Variants in OTUD7B observed in about 807,000 individuals in gnomAD.
The protein encoded by OTUD7B is OTU deubiquitinase 7B.
A neutral mutation model predicts 82.2 loss-of-function variants in OTUD7B; 34 were observed. That is an observed-to-expected ratio of 0.41 (90% CI 0.31 to 0.55). The LOEUF (loss-of-function observed/expected upper bound fraction) is 0.55, where lower values mean the gene tolerates loss of function less well. OTUD7B is among the 20% of genes least tolerant of loss of function. The probability of loss-of-function intolerance (pLI) is 0.20; values close to 1 mark genes in which losing one functional copy is unlikely to be tolerated. For synonymous variants in OTUD7B, 398 were observed against 402.7 expected (o/e 0.99, Z 0.14); for missense variants, 944 against 1,062.1 (o/e 0.89, Z 1.55).
chr1:150,024,223 C>T, the OTUD7B span, among the ~76,000 whole-genome samples: 1 of 152,206 alleles, frequency 6.6e-6, no homozygotes, highest in Admixed American at 6.5e-5. Flanking sequence ...AGATCACCAA[C>T]TCTTAAGTCC....
At chr1:149,978,875 G>A (rs1453717030) in intron 1 of OTUD7B, among the ~76,000 whole-genome samples, 1 of 152,174 alleles carries the variant, frequency 6.6e-6, no homozygotes, top group Non-Finnish European at 1.5e-5. Flanking sequence ...AGGTACACTT[G>A]CCCTACCATA....
chr1:150,002,202 G>T (rs917220937), intron 1 of OTUD7B, among the ~76,000 whole-genome samples: 5 of 50,900 alleles, frequency 9.8e-5, no homozygotes, highest in African/African-American at 4.3e-4. Context: ...ATTTTGTTTA[G>T]ATATTCTTTT....
the OTUD7B span, among the ~76,000 whole-genome samples, chr1:150,042,751 C>T: frequency 6.6e-6 from 1 of 152,018 alleles, no homozygotes; most frequent in Non-Finnish European, 1.5e-5. Flanking sequence ...GAGATCTTTC[C>T]CACCACTAAG....
chr1:149,981,407 GA>G (rs2101872134), intron 1 of OTUD7B, among the ~76,000 whole-genome samples: 1 of 152,242 alleles, frequency 6.6e-6, no homozygotes, highest in East Asian at 1.9e-4. Context: ...TTAACTGTTA[GA>G]AAATGCTTTT....
chr1:150,053,543 T>C, the OTUD7B span, among the ~76,000 whole-genome samples: 12 of 152,026 alleles, frequency 7.9e-5, no homozygotes, highest in Admixed American at 7.9e-4. Flanking sequence ...ATTACAGGCA[T>C]GTGCCACCAT....
At chr1:150,041,063 A>G in the OTUD7B span, among the ~76,000 whole-genome samples, 1 of 152,164 alleles carries the variant, frequency 6.6e-6, no homozygotes, top group South Asian at 2.1e-4. Flanking sequence ...AAAAAAATAC[A>G]TACAATTTAC....
intron 7 of OTUD7B, among the ~76,000 whole-genome samples, chr1:149,955,025 T>G (rs1553774271): frequency 1.3e-5 from 2 of 152,224 alleles, no homozygotes; most frequent in African/African-American, 4.8e-5. Context: ...TTGAAGGGTT[T>G]TTTGTGTCTC....
chr1:150,024,364 C>A, the OTUD7B span, among the ~76,000 whole-genome samples: 1 of 152,112 alleles, frequency 6.6e-6, no homozygotes, highest in African/African-American at 2.4e-5. Flanking sequence ...AAGGATCTCA[C>A]AGACTTATGA....
intron 4 of OTUD7B, 150 bp downstream of exon 4, chr1:149,967,144 T>TGA (rs1369472856): frequency 9.2e-6 from 5 of 542,418 alleles, no homozygotes; most frequent in Non-Finnish European, 1.3e-5. Context: ...ATCCATTCTT[T>TGA]GACAGCACAA....
intron 1 of OTUD7B, among the ~76,000 whole-genome samples, chr1:150,009,631 C>T (rs1553786881): frequency 6.6e-6 from 1 of 152,114 alleles, no homozygotes; most frequent in African/African-American, 2.4e-5. Context: ...ATTTTTACAT[C>T]TTTATTGTGC....
At chr1:149,945,155 A>C in intron 11 of OTUD7B, 90 bp from the exon 12 acceptor site, 10 of 1,494,286 alleles carry the variant, frequency 6.7e-6, no homozygotes, top group Non-Finnish European at 8.9e-6. Context: ...CATCTGGCTC[A>C]GGGAGCTCCC....
the OTUD7B span, among the ~76,000 whole-genome samples, chr1:150,036,022 C>T: frequency 8.9e-5 from 13 of 146,134 alleles, no homozygotes; most frequent in African/African-American, 2.3e-4. Flanking sequence ...GGTGCAAACT[C>T]GGCTCACTGA....
the OTUD7B span, among the ~76,000 whole-genome samples, chr1:150,061,964 C>T: frequency 9.9e-5 from 15 of 152,238 alleles, no homozygotes; most frequent in Middle Eastern, 3.4e-3. Context: ...TGGAAGGTTT[C>T]GATGCAGAGA....
chr1:150,054,536 G>A, the OTUD7B span: 1 of 456,236 alleles, frequency 2.2e-6, no homozygotes, highest in Non-Finnish European at 4.3e-6. Flanking sequence ...GGCAGGGCAT[G>A]GTGACTCATG....
chr1:149,980,887 C>T (rs1331828175), intron 1 of OTUD7B, among the ~76,000 whole-genome samples: 2 of 151,786 alleles, frequency 1.3e-5, no homozygotes, highest in Non-Finnish European at 2.9e-5. Flanking sequence ...GTCGTGTGTG[C>T]CTGTAGTCCC....
chr1:149,946,253 C>T (rs2101724882), intron 11 of OTUD7B, among the ~76,000 whole-genome samples: 1 of 151,650 alleles, frequency 6.6e-6, no homozygotes, highest in Non-Finnish European at 1.5e-5. Context: ...ATCTCAGCTA[C>T]TCGGGAGGCT....
chr1:150,044,355 A>T, the OTUD7B span, among the ~76,000 whole-genome samples: 1 of 151,482 alleles, frequency 6.6e-6, no homozygotes, highest in African/African-American at 2.4e-5. Flanking sequence ...TTATAGGTGC[A>T]CTCCACAATG....
At chr1:149,999,194 G>A (rs1420059001) in intron 1 of OTUD7B, among the ~76,000 whole-genome samples, 3 of 152,132 alleles carry the variant, frequency 2.0e-5, no homozygotes, top group Non-Finnish European at 4.4e-5. Flanking sequence ...TTTTCATAAT[G>A]AACTAGTATA....
rs954269727 is a variant in OTUD7B at position 149,944,138 on chromosome 1, G to A, written c.2251C>T (p.Pro751Ser). Residue 751 changes from proline to serine, a missense_variant, in exon 12 of 12, where the codon CCA becomes TCA. Transcript: ENST00000581312. Reference sequence around the variant, plus strand: ...AGTCCATCCTTAGAGTGGCTGCCTGGCTCCAGAGAAGGGATGCTGTCCTGG... The same window carrying A: ...AGTCCATCCTTAGAGTGGCTGCCTGACTCCAGAGAAGGGATGCTGTCCTGG... ...PHQDSIPSLE[P>S]GSHSKDGLHR... 3.7e-6 allele frequency: 6 copies of A among 1,614,014 alleles called. No individual in the cohort carries two copies. Among genetic ancestry groups the A allele is most frequent in the Non-Finnish European group, 5.1e-6 (6 of 1,179,964 alleles).
Sources: gnomAD v4.1 joint callset for allele counts (sites outside exome capture counted in the v4.1 genomes callset) on GRCh38, gnomAD v4.1.1 for gene constraint, MANE v1.5 for transcripts, NCBI Gene and HGNC (gene_info 2026-07-23, HGNC 2026-07-21) for gene names.